The following GPR158 variants were observed in gnomAD, a reference collection of about 807,000 sequenced individuals.
GPR158 encodes G protein-coupled receptor 158, also known as metabotropic glycine receptor.
In GPR158, 30 loss-of-function variants were observed where a neutral mutation model predicts 78.2. The ratio of observed to expected loss-of-function variants is 0.38; its 90% CI spans 0.29 to 0.52. The LOEUF is 0.52. Ranked by LOEUF, GPR158 falls within the 20% of genes least tolerant of loss-of-function variation. GPR158 has a pLI of 0.83. For synonymous variants in GPR158, 581 were observed against 591.1 expected, an observed-to-expected ratio of 0.98 and a Z score of 0.25; for missense variants, 1,463 against 1,523.5, an observed-to-expected ratio of 0.96 and a Z score of 0.66.
intron 3 of GPR158, among the ~76,000 whole-genome samples, chr10:25,403,475 C>G (rs948327965): frequency 4.6e-5 from 7 of 151,976 alleles, no homozygotes; most frequent in Non-Finnish European, 8.8e-5. Flanking sequence ...AGCTATATAG[C>G]TTTATACATT....
intron 4 of GPR158, among the ~76,000 whole-genome samples, chr10:25,424,594 C>G (rs1482997156): frequency 7.9e-5 from 12 of 151,828 alleles, no homozygotes; most frequent in Middle Eastern, 3.4e-3. Flanking sequence ...TTTCAGCTTT[C>G]TACATATGGC....
intron 2 of GPR158, among the ~76,000 whole-genome samples, chr10:25,254,983 C>T (rs537356060): frequency 6.6e-6 from 1 of 152,248 alleles, no homozygotes; most frequent in Admixed American, 6.5e-5. Flanking sequence ...CTATTACTTC[C>T]TGGAAATTCT....
intron 1 of GPR158, among the ~76,000 whole-genome samples, chr10:25,198,263 A>T (rs1852870112): frequency 6.6e-6 from 1 of 152,234 alleles, no homozygotes. Context: ...CTTCCCAAGG[A>T]AGCCTTGACC....
At chr10:25,441,068 G>GT (rs1588865827) in intron 4 of GPR158, among the ~76,000 whole-genome samples, 1 of 152,172 alleles carries the variant, frequency 6.6e-6, no homozygotes, top group Non-Finnish European at 1.5e-5. Flanking sequence ...TATAACCCTT[G>GT]TGGGCCTATG....
intron 9 of GPR158, among the ~76,000 whole-genome samples, chr10:25,596,107 A>C (rs1440704220): frequency 2.6e-5 from 4 of 152,192 alleles, no homozygotes; most frequent in African/African-American, 4.8e-5. Context: ...AAAAATAAAA[A>C]AGCAGGAAAT....
chr10:25,569,059 T>C (rs535324373), intron 6 of GPR158, among the ~76,000 whole-genome samples: 23 of 152,286 alleles, frequency 1.5e-4, no homozygotes, highest in Middle Eastern at 3.4e-3. Flanking sequence ...AAAACCAATA[T>C]CCTGAAATGC....
At chr10:25,586,014 C>T (rs1219330422) in intron 7 of GPR158, among the ~76,000 whole-genome samples, 1 of 152,048 alleles carries the variant, frequency 6.6e-6, no homozygotes, top group Non-Finnish European at 1.5e-5. Context: ...TTGGAGTGTT[C>T]AGAGGACAAA....
At chr10:25,350,093 A>G (rs1213238118) in intron 2 of GPR158, among the ~76,000 whole-genome samples, 2 of 151,656 alleles carry the variant, frequency 1.3e-5, no homozygotes, top group African/African-American at 2.4e-5. Context: ...TTTCACCTTT[A>G]GCTTGTGAAG....
Position 25,296,053 on chromosome 10 carries a change from G to GAAA in GPR158, c.1008+74910_1008+74912dup, listed in dbSNP as rs71399958. Among the ~76,000 whole-genome samples the GAAA allele has an allele frequency of 4.7e-3, 653 of 138,378 alleles. 7 individuals are homozygous for GAAA. Among genetic ancestry groups the GAAA allele is most frequent in the Middle Eastern group, 0.015 (4 of 262 alleles). The allele number at this position is 138,378 out of a possible 152,430, so 90.8% of individuals were successfully genotyped here. A position where few individuals can be genotyped will look rare whatever the true frequency, so the allele number is the denominator to read the frequency against. On this transcript the variant is annotated intron_variant, in intron 2 of 10. Coordinates refer to ENST00000376351, the MANE Select transcript of GPR158 (RefSeq NM_020752.3). The stretch of plus-strand genomic sequence containing the variant: ...AGAAAAGCATAGCAGGGGCAGGGAG[G>GAAA]AAAAAAAAAAAAAAAACCTAAGCAA...
At chr10:25,526,319 C>A (rs2130688426) in intron 5 of GPR158, among the ~76,000 whole-genome samples, 1 of 152,134 alleles carries the variant, frequency 6.6e-6, no homozygotes, top group South Asian at 2.1e-4. Flanking sequence ...GCTACATTAC[C>A]TACTCTTTTG....
intron 2 of GPR158, among the ~76,000 whole-genome samples, chr10:25,291,986 T>C (rs886159830): frequency 6.6e-6 from 1 of 151,076 alleles, no homozygotes; most frequent in Non-Finnish European, 1.5e-5. Flanking sequence ...TCACGGGGAG[T>C]TTACTCAAAA....
chr10:25,461,050 G>A (rs1349362769), intron 4 of GPR158, among the ~76,000 whole-genome samples: 2 of 152,118 alleles, frequency 1.3e-5, no homozygotes, highest in Non-Finnish European at 2.9e-5. Context: ...CCACCAACTA[G>A]CAATTCCTCC....
intron 2 of GPR158, among the ~76,000 whole-genome samples, chr10:25,354,224 T>C (rs1704939454): frequency 1.3e-5 from 2 of 151,728 alleles, no homozygotes; most frequent in South Asian, 4.2e-4. Context: ...GCGTGGTGGC[T>C]CATGCCTGTA....
chr10:25,272,885 C>T (rs150363964), intron 2 of GPR158, among the ~76,000 whole-genome samples: 10 of 152,274 alleles, frequency 6.6e-5, no homozygotes, highest in African/African-American at 2.4e-4. Context: ...TTCAGAACTC[C>T]TTTGAACCAA....
intron 5 of GPR158, among the ~76,000 whole-genome samples, chr10:25,535,698 C>T (rs950808518): frequency 6.6e-6 from 1 of 152,124 alleles, no homozygotes; most frequent in Non-Finnish European, 1.5e-5. Context: ...AATGAATGCA[C>T]CTTGATTGTC....
intron 7 of GPR158, among the ~76,000 whole-genome samples, chr10:25,588,487 T>C (rs1837299634): frequency 6.6e-6 from 1 of 152,250 alleles, no homozygotes; most frequent in Non-Finnish European, 1.5e-5. Flanking sequence ...GTTTTATTTA[T>C]AAAATATGCC....
At chr10:25,384,954 T>A (rs938107545) in intron 2 of GPR158, among the ~76,000 whole-genome samples, 53 of 152,330 alleles carry the variant, frequency 3.5e-4, no homozygotes, top group South Asian at 1.4e-3. Flanking sequence ...AATATTTTTT[T>A]AAAAATTTAA....
intron 5 of GPR158, among the ~76,000 whole-genome samples, chr10:25,486,829 A>G (rs1409661348): frequency 2.0e-5 from 3 of 151,696 alleles, no homozygotes; most frequent in African/African-American, 7.3e-5. Flanking sequence ...TTTTGGTAAA[A>G]TACAGTAAAT....
intron 2 of GPR158, among the ~76,000 whole-genome samples, chr10:25,387,519 T>C (rs1378980570): frequency 1.4e-5 from 1 of 71,512 alleles, no homozygotes; most frequent in Non-Finnish European, 4.9e-5. Flanking sequence ...TCTTCAAATT[T>C]TTTTTTTTTT....
Sources: allele counts gnomAD v4.1 joint callset (sites outside exome capture counted in the v4.1 genomes callset), GRCh38; gene constraint gnomAD v4.1.1; transcripts MANE v1.5; gene names NCBI Gene and HGNC (gene_info 2026-07-23, HGNC 2026-07-21).